The following VOPP1 variants were observed in gnomAD, a reference collection of about 807,000 sequenced individuals.
VOPP1 encodes the protein WW domain binding protein VOPP1.
Under a neutral mutation model 23.5 loss-of-function variants are expected in VOPP1, and 8 were observed. The observed-to-expected ratio is 0.34, with a 90% CI of 0.20 to 0.61. VOPP1 has a LOEUF of 0.61. Among genes scored for constraint, VOPP1 ranks in the 20% least tolerant of loss-of-function variants. The pLI is 0.78. For missense variants in VOPP1, 174 were observed against 238.1 expected (o/e 0.73, Z 1.77); for synonymous variants, 83 against 97.3 (o/e 0.85, Z 0.86).
At chr7:55,456,027 C>G (rs535505492) in intron 4 of VOPP1, among the ~76,000 whole-genome samples, 1 of 151,948 alleles carries the variant, frequency 6.6e-6, no homozygotes, top group East Asian at 1.9e-4. Flanking sequence ...ACCTACAGAA[C>G]GGGAGAAAAT....
intron 1 of VOPP1, among the ~76,000 whole-genome samples, chr7:55,536,053 C>A (rs1012961158): frequency 5.9e-5 from 9 of 152,222 alleles, no homozygotes; most frequent in Admixed American, 5.9e-4. Context: ...GGAGTAAGGG[C>A]CCTGCCTCGG....
At chr7:55,515,901 G>A (rs1478558213) in intron 2 of VOPP1, 3 of 910,318 alleles carry the variant, frequency 3.3e-6, no homozygotes, top group Non-Finnish European at 3.9e-6. Context: ...TGCTGCTTTG[G>A]ATCCTGCAGG....
At chr7:55,479,208 G>C (rs1037460041) in intron 4 of VOPP1, among the ~76,000 whole-genome samples, 9 of 151,414 alleles carry the variant, frequency 5.9e-5, no homozygotes, top group East Asian at 1.9e-4. Flanking sequence ...ACAATGTGCA[G>C]GTTAGTTACA....
rs1444073748 is a variant in VOPP1, at chr7:55,562,162, T to C, written c.54+10109A>G. 3 of 689,120 alleles carry C rather than the reference T, an allele frequency of 4.4e-6. No individual in the cohort carries two copies. The African/African-American group carries it at 5.3e-5, about 12-fold the overall frequency. 42.7% of individuals were successfully genotyped at this position (689,120 alleles called of 1,614,324 possible). Reference sequence around the variant, plus strand: ...AGAATGGCAAGGAGGTCTCTGTAGATACTGAAAGCTTTCCAAGGGCGCTCC... The same window carrying C: ...AGAATGGCAAGGAGGTCTCTGTAGACACTGAAAGCTTTCCAAGGGCGCTCC... On this transcript the variant is annotated intron_variant, in intron 1 of 4. Transcript: ENST00000285279.
At chr7:55,506,156 CTGTT>C (rs1367720075) in intron 2 of VOPP1, among the ~76,000 whole-genome samples, 9 of 152,224 alleles carry the variant, frequency 5.9e-5, no homozygotes. Flanking sequence ...GCCTGGTGGG[CTGTT>C]TGTCTCTGGG....
chr7:55,563,324 GT>G (rs1798050890), intron 1 of VOPP1, among the ~76,000 whole-genome samples: 1 of 151,986 alleles, frequency 6.6e-6, no homozygotes, highest in Admixed American at 6.6e-5. Context: ...GATTATTTGC[GT>G]TTTTTAAAAA....
chr7:55,500,247 G>C (rs920725754), intron 2 of VOPP1, among the ~76,000 whole-genome samples: 1 of 152,184 alleles, frequency 6.6e-6, no homozygotes, highest in Non-Finnish European at 1.5e-5. Context: ...CACAATCACA[G>C]AACATTCAAC....
intron 4 of VOPP1, among the ~76,000 whole-genome samples, chr7:55,474,615 C>A (rs1269359665): frequency 6.6e-6 from 1 of 152,228 alleles, no homozygotes; most frequent in African/African-American, 2.4e-5. Context: ...AACAGGGGCT[C>A]TGCAAGAATT....
chr7:55,551,220 G>C (rs1162705977), intron 1 of VOPP1, among the ~76,000 whole-genome samples: 3 of 152,180 alleles, frequency 2.0e-5, no homozygotes, highest in African/African-American at 7.2e-5. Context: ...AAGAAGACAA[G>C]CAAGGCTTCA....
chr7:55,481,837 C>T (rs144685790), intron 4 of VOPP1, among the ~76,000 whole-genome samples: 1,791 of 152,274 alleles, frequency 0.012, 12 homozygotes, highest in Middle Eastern at 0.02. Flanking sequence ...TTCCGAAAAT[C>T]GCCACAGAAG....
At chr7:55,538,620 A>C in intron 1 of VOPP1, 2 of 1,536,070 alleles carry the variant, frequency 1.3e-6, no homozygotes, top group Non-Finnish European at 1.7e-6. Flanking sequence ...AACCTGCAAG[A>C]GCACAGAAGA....
chr7:55,502,474 C>T (rs970934700), intron 2 of VOPP1, among the ~76,000 whole-genome samples: 3 of 152,212 alleles, frequency 2.0e-5, no homozygotes, highest in Non-Finnish European at 4.4e-5. Flanking sequence ...GGCTCATCTG[C>T]GGCGCTGGCC....
chr7:55,476,315 C>T (rs551737760), intron 4 of VOPP1, among the ~76,000 whole-genome samples: 2 of 152,150 alleles, frequency 1.3e-5, no homozygotes, highest in Non-Finnish European at 2.9e-5. Context: ...CTGACAATCA[C>T]CCCTTCTCAG....
intron 1 of VOPP1, among the ~76,000 whole-genome samples, chr7:55,533,553 T>C (rs1181259647): frequency 6.6e-6 from 1 of 152,200 alleles, no homozygotes; most frequent in Non-Finnish European, 1.5e-5. Flanking sequence ...AGCAGCTATG[T>C]GGGACACCAC....
chr7:55,527,530 C>T (rs564839733), intron 1 of VOPP1, among the ~76,000 whole-genome samples: 3 of 152,298 alleles, frequency 2.0e-5, no homozygotes, highest in African/African-American at 7.2e-5. Flanking sequence ...TCTGTCAACT[C>T]TCCTAGACTC....
intron 1 of VOPP1, among the ~76,000 whole-genome samples, chr7:55,549,159 A>C (rs1194125454): frequency 6.6e-6 from 1 of 152,244 alleles, no homozygotes; most frequent in Non-Finnish European, 1.5e-5. Flanking sequence ...AAATGCGCCT[A>C]AATTACCTAA....
chr7:55,517,982 C>A (rs1332175306), intron 2 of VOPP1, among the ~76,000 whole-genome samples: 1 of 152,226 alleles, frequency 6.6e-6, no homozygotes, highest in Admixed American at 6.5e-5. Context: ...ACTGGGTTCA[C>A]TGCTGTGTCA....
At chr7:55,551,132 C>T (rs577642528) in intron 1 of VOPP1, among the ~76,000 whole-genome samples, 5 of 152,288 alleles carry the variant, frequency 3.3e-5, no homozygotes, top group Admixed American at 1.3e-4. Flanking sequence ...CCTACCATCC[C>T]GCAGACATAA....
intron 3 of VOPP1, among the ~76,000 whole-genome samples, chr7:55,495,716 C>G (rs147389176): frequency 1.0e-3 from 159 of 152,358 alleles, no homozygotes; most frequent in African/African-American, 3.5e-3. Flanking sequence ...TGGTGTATAT[C>G]AGACCCGATG....
Sources: gnomAD v4.1 joint callset for allele counts (sites outside exome capture counted in the v4.1 genomes callset) on GRCh38, gnomAD v4.1.1 for gene constraint, MANE v1.5 for transcripts, NCBI Gene and HGNC (gene_info 2026-07-23, HGNC 2026-07-21) for gene names.